Variants in ARVCF observed in about 807,000 individuals in gnomAD.
ARVCF encodes splicing regulator ARVCF.
ARVCF carries 66 observed loss-of-function variants against 90.9 expected under a neutral mutation model. The ratio of observed to expected loss-of-function variants is 0.73; its 90% CI spans 0.60 to 0.89. The LOEUF (loss-of-function observed/expected upper bound fraction) is 0.89. Among genes scored for constraint, ARVCF ranks in the 40% least tolerant of loss-of-function variants. The pLI, the probability that ARVCF is intolerant of heterozygous loss-of-function variation, is 0.00. For synonymous variants in ARVCF, 653 were observed against 603.4 expected, an observed-to-expected ratio of 1.08 and a Z score of -1.21; for missense variants, 1,469 against 1,382.3, an observed-to-expected ratio of 1.06 and a Z score of -1.00.
intron 3 of ARVCF, among the ~76,000 whole-genome samples, chr22:19,990,193 C>A (rs373487010): frequency 2.0e-5 from 3 of 152,324 alleles, no homozygotes; most frequent in African/African-American, 7.2e-5. Context: ...AAGCTGCAGG[C>A]AGAGCTCTGG....
At chr22:19,971,487 CGT>C (rs1437879908) in intron 18 of ARVCF, 152 bp from the exon 19 acceptor site, 8 of 995,998 alleles carry the variant, frequency 8.0e-6, no homozygotes, top group South Asian at 3.4e-5. Flanking sequence ...GAGCCGGAAA[CGT>C]GTGGCTCACA....
rs145533729 is a variant in ARVCF at position 19,984,888 on chromosome 22, G to A, written c.211-2797C>T. ...CTGGCTGGCAGATGGAGAAACTGAG[G>A]TGTAGAGTAGTGAGAGGCCCATAGC... On this transcript the variant is annotated intron_variant, in intron 3 of 19. Coordinates refer to ENST00000263207, the MANE Select transcript of ARVCF (RefSeq NM_001670.3). Among the ~76,000 whole-genome samples the A allele has an allele frequency of 8.3e-4, 126 of 152,348 alleles. 2 individuals carry two copies. Among genetic ancestry groups the A allele is most frequent in the Middle Eastern group, 3.4e-3 (1 of 294 alleles).
At chr22:20,000,502 C>T (rs1944407256) in intron 2 of ARVCF, among the ~76,000 whole-genome samples, 1 of 77,728 alleles carries the variant, frequency 1.3e-5, no homozygotes, top group South Asian at 3.7e-4. Context: ...CCATCTGGCT[C>T]CCACCGCCAC....
At position 19,973,074 on chromosome 22, in the gene ARVCF, CCCACCTCCG is replaced by C. The variant is rs764924604; in HGVS notation, c.2438+36_2439-39del. On this transcript the variant is annotated intron_variant, in intron 14 of 19. Transcript: ENST00000263207. ...GGGCGGGGTCAGTGGTGGCCCCTCC[CCCACCTCCG>C]CGGCTCCCCAAGCCACCGACCCCGC... is the stretch of plus-strand genomic sequence containing the variant. 4.4e-6 allele frequency: 7 copies of C among 1,608,496 alleles called. No individual in the cohort carries two copies. In the African/African-American group the frequency reaches 5.4e-5, roughly 12 times the overall value.
At chr22:19,977,794 C>T (rs1037821168) in intron 8 of ARVCF, among the ~76,000 whole-genome samples, 164 bp downstream of exon 8, 13 of 152,228 alleles carry the variant, frequency 8.5e-5, no homozygotes, top group Admixed American at 2.6e-4. Context: ...GCCTGCAGGA[C>T]GGTGCCCACT....
At chr22:20,011,925 G>C (rs575395070) in intron 1 of ARVCF, among the ~76,000 whole-genome samples, 49 of 152,100 alleles carry the variant, frequency 3.2e-4, no homozygotes, top group Non-Finnish European at 2.1e-4. Flanking sequence ...ACAGAACCGA[G>C]ACACACTGGC....
intron 11 of ARVCF, 92 bp from the exon 12 acceptor site, chr22:19,974,331 G>A (rs1357267349): frequency 2.1e-6 from 3 of 1,438,370 alleles, no homozygotes; most frequent in Admixed American, 2.5e-5. Flanking sequence ...CTCCCAGGGC[G>A]TGGGTGAGCT....
intron 2 of ARVCF, among the ~76,000 whole-genome samples, chr22:19,995,028 G>A (rs1944191815): frequency 1.3e-5 from 2 of 151,804 alleles, no homozygotes; most frequent in South Asian, 4.2e-4. Context: ...AGGGTAGACA[G>A]CTAGATGGAT....
At chr22:19,980,270 A>G in intron 5 of ARVCF, 28 bp from the exon 6 acceptor site, 3 of 1,496,034 alleles carry the variant, frequency 2.0e-6, no homozygotes, top group Non-Finnish European at 2.7e-6. Context: ...GCGCGTGGAC[A>G]TCGTCACAGC....
downstream of ARVCF, chr22:19,969,706 T>A: frequency 2.3e-6 from 1 of 439,028 alleles, no homozygotes; most frequent in Non-Finnish European, 3.0e-6. Context: ...CTCCTATGGA[T>A]AGACAGACCA....
At chr22:19,986,404 G>A (rs1367877548) in intron 3 of ARVCF, among the ~76,000 whole-genome samples, 1 of 152,178 alleles carries the variant, frequency 6.6e-6, no homozygotes, top group Non-Finnish European at 1.5e-5. Flanking sequence ...CTGAGCAGAG[G>A]ACAAACTGCC....
At chr22:20,007,066 C>T (rs980613655) in intron 2 of ARVCF, among the ~76,000 whole-genome samples, 3 of 152,080 alleles carry the variant, frequency 2.0e-5, no homozygotes, top group Non-Finnish European at 4.4e-5. Flanking sequence ...CCAACCTGGG[C>T]AACATGGCAC....
At chr22:19,972,678 C>A in intron 16 of ARVCF, 59 bp downstream of exon 16, 1 of 1,515,470 alleles carries the variant, frequency 6.6e-7, no homozygotes, top group South Asian at 1.3e-5. Flanking sequence ...ACCCAAGGGT[C>A]AGGCAACTGG....
At position 19,975,771 on chromosome 22, in the gene ARVCF, G is replaced by A. The variant is rs764362739; in HGVS notation, c.1889-14C>T. The A allele has an allele frequency of 1.2e-6, 2 of 1,613,048 alleles. No individual in the cohort carries two copies. The highest frequency in any genetic ancestry group is 1.7e-6 in the Non-Finnish European group (2 of 1,179,740). On this transcript the variant is annotated splice_polypyrimidine_tract_variant and intron_variant, in intron 10 of 19. Transcript: ENST00000263207. The stretch of plus-strand genomic sequence containing the variant: ...CATCCTTCTTTCCTGGAAGGGAAAG[G>A]TGGTGGGAGGTGAGGCAGACCCCAT...
intron 2 of ARVCF, among the ~76,000 whole-genome samples, chr22:20,005,634 AC>A (rs1301357975): frequency 1.3e-5 from 2 of 152,082 alleles, no homozygotes; most frequent in Non-Finnish European, 2.9e-5. Flanking sequence ...CCTGGCTAGC[AC>A]GGTGAAACCC....
downstream of ARVCF, chr22:19,967,630 G>A: frequency 6.3e-6 from 2 of 316,374 alleles, no homozygotes; most frequent in Admixed American, 4.5e-5. Context: ...AGGCATGTGG[G>A]GTCGGATACC....
At chr22:20,009,508 G>A (rs1944749890) in intron 2 of ARVCF, among the ~76,000 whole-genome samples, 1 of 152,248 alleles carries the variant, frequency 6.6e-6, no homozygotes, top group Non-Finnish European at 1.5e-5. Flanking sequence ...AAACCACAGG[G>A]CTGTCAGCCA....
downstream of ARVCF, among the ~76,000 whole-genome samples, chr22:19,965,945 C>T (rs1942367654): frequency 6.6e-6 from 1 of 152,230 alleles, no homozygotes; most frequent in Non-Finnish European, 1.5e-5. Context: ...GCCAGATGGG[C>T]TTCACTTGGG....
intron 2 of ARVCF, among the ~76,000 whole-genome samples, chr22:19,993,835 T>C (rs1944121503): frequency 6.6e-6 from 1 of 151,944 alleles, no homozygotes; most frequent in Non-Finnish European, 1.5e-5. Flanking sequence ...AAACTGAAAC[T>C]CTGAAAAATA....
Sources: allele counts gnomAD v4.1 joint callset (sites outside exome capture counted in the v4.1 genomes callset), GRCh38; gene constraint gnomAD v4.1.1; transcripts MANE v1.5; gene names NCBI Gene and HGNC (gene_info 2026-07-23, HGNC 2026-07-21).